ZBTB7C: variants seen among roughly 807,000 people sequenced by gnomAD.
The protein encoded by ZBTB7C is zinc finger and BTB domain-containing protein 7C.
A neutral mutation model predicts 25.7 loss-of-function variants in ZBTB7C; 8 were observed. The ratio of observed to expected loss-of-function variants is 0.31; its 90% CI spans 0.18 to 0.56. The LOEUF (loss-of-function observed/expected upper bound fraction) is 0.56, where lower values mean the gene tolerates loss of function less well. ZBTB7C is among the 20% of genes least tolerant of loss of function. ZBTB7C has a pLI of 0.91. For synonymous variants in ZBTB7C, 394 were observed against 369.0 expected (o/e 1.07, Z -0.78); for missense variants, 824 against 855.2 (o/e 0.96, Z 0.46).
intron 1 of ZBTB7C, among the ~76,000 whole-genome samples, chr18:48,397,659 G>A (rs11876632): frequency 0.016 from 2,480 of 152,116 alleles, 28 homozygotes; most frequent in African/African-American, 0.034. Flanking sequence ...AGCTCCCTTC[G>A]CCAAGTTCAT....
At chr18:48,179,802 T>A (rs1568282264) in intron 3 of ZBTB7C, among the ~76,000 whole-genome samples, 2 of 136,694 alleles carry the variant, frequency 1.5e-5, no homozygotes, top group Admixed American at 7.4e-5. Flanking sequence ...CTCCCTTCCT[T>A]CCTTATTTCC....
intron 1 of ZBTB7C, among the ~76,000 whole-genome samples, chr18:48,341,073 T>A (rs931227859): frequency 2.6e-5 from 4 of 152,212 alleles, no homozygotes; most frequent in African/African-American, 9.7e-5. Context: ...TTCATCTGAA[T>A]TTTCAGTTCC....
At chr18:48,143,392 T>C (rs540313592) in intron 3 of ZBTB7C, among the ~76,000 whole-genome samples, 1 of 152,210 alleles carries the variant, frequency 6.6e-6, no homozygotes, top group Non-Finnish European at 1.5e-5. Context: ...AGAACATTTA[T>C]GCACAGAAAA....
At chr18:48,321,974 C>T (rs563982011) in intron 2 of ZBTB7C, among the ~76,000 whole-genome samples, 7 of 152,326 alleles carry the variant, frequency 4.6e-5, no homozygotes, top group Middle Eastern at 3.4e-3. Context: ...CCATTCACAG[C>T]GGATCAGGCT....
intron 2 of ZBTB7C, among the ~76,000 whole-genome samples, chr18:48,190,327 G>T (rs2042162861): frequency 6.6e-6 from 1 of 152,222 alleles, no homozygotes; most frequent in Non-Finnish European, 1.5e-5. Flanking sequence ...GATTAAAGAA[G>T]TATTTTCCCA....
At chr18:48,326,529 C>T (rs1407523365) in intron 2 of ZBTB7C, among the ~76,000 whole-genome samples, 5 of 152,160 alleles carry the variant, frequency 3.3e-5, no homozygotes, top group East Asian at 3.9e-4. Context: ...TGACCCAAGT[C>T]GGTCCCTCCA....
intron 1 of ZBTB7C, among the ~76,000 whole-genome samples, chr18:48,364,382 T>C (rs1360001246): frequency 6.6e-6 from 1 of 151,994 alleles, no homozygotes; most frequent in African/African-American, 2.4e-5. Flanking sequence ...ATCAGGAAAA[T>C]CCACCCACAG....
chr18:48,167,565 T>G (rs561958856), intron 3 of ZBTB7C, among the ~76,000 whole-genome samples: 57 of 99,050 alleles, frequency 5.8e-4, no homozygotes, highest in African/African-American at 1.9e-3. Context: ...ATTGCTAGGG[T>G]GTGTGTGTGT....
chr18:48,226,930 G>A (rs1288020416), intron 2 of ZBTB7C, among the ~76,000 whole-genome samples: 2 of 144,816 alleles, frequency 1.4e-5, no homozygotes, highest in Non-Finnish European at 3.0e-5. Flanking sequence ...TGAGGCAGGA[G>A]AATCGCTTGA....
At chr18:48,315,776 T>G (rs576606537) in intron 2 of ZBTB7C, among the ~76,000 whole-genome samples, 1 of 152,218 alleles carries the variant, frequency 6.6e-6, no homozygotes, top group East Asian at 1.9e-4. Flanking sequence ...GCTGGTGAAC[T>G]CAATGGACCT....
chr18:48,391,440 A>T (rs927569890), intron 1 of ZBTB7C, among the ~76,000 whole-genome samples: 6 of 152,224 alleles, frequency 3.9e-5, no homozygotes, highest in African/African-American at 1.4e-4. Flanking sequence ...CTGACTGTCA[A>T]CATTTCTTTC....
intron 3 of ZBTB7C, chr18:48,147,564 C>A (rs1913261089): frequency 6.6e-6 from 1 of 151,980 alleles, no homozygotes; most frequent in African/African-American, 2.4e-5. Flanking sequence ...CTTTGAGGAA[C>A]CTCTTTTCCT....
rs141050148 is a variant in ZBTB7C at position 48,150,195 on chromosome 18, G to A, written c.-17+35739C>T. On this transcript the variant is annotated intron_variant, in intron 3 of 4. Transcript: ENST00000590800. ...TCATAGAATGGCAGCTCAGAGCCAGGATCTGAACTCAGGCCACATTCACTG... is the reference window on the plus strand; with the variant it reads ...TCATAGAATGGCAGCTCAGAGCCAGAATCTGAACTCAGGCCACATTCACTG... Among the ~76,000 whole-genome samples, 1,035 of 152,252 alleles carry A rather than the reference G, an allele frequency of 6.8e-3. 7 individuals are homozygous for A. The highest frequency in any genetic ancestry group is 0.01 in the Non-Finnish European group (713 of 68,022).
intron 3 of ZBTB7C, among the ~76,000 whole-genome samples, chr18:48,086,257 C>T (rs987159667): frequency 6.6e-6 from 1 of 152,188 alleles, no homozygotes; most frequent in Non-Finnish European, 1.5e-5. Context: ...CTCATTTAAT[C>T]CTCACAACAA....
At chr18:48,270,318 T>C (rs62086474) in intron 2 of ZBTB7C, among the ~76,000 whole-genome samples, 66,290 of 140,674 alleles carry the variant, frequency 0.47, 15,891 homozygotes, top group African/African-American at 0.57. Flanking sequence ...AGTGCAGTGG[T>C]GCGATCTCAG....
chr18:48,313,551 A>G (rs1182931843), intron 2 of ZBTB7C, among the ~76,000 whole-genome samples: 1 of 152,226 alleles, frequency 6.6e-6, no homozygotes, highest in African/African-American at 2.4e-5. Flanking sequence ...GACCAGCAGC[A>G]TAGGCCTTGT....
At chr18:48,197,392 T>C (rs1321819102) in intron 2 of ZBTB7C, among the ~76,000 whole-genome samples, 1 of 152,196 alleles carries the variant, frequency 6.6e-6, no homozygotes, top group African/African-American at 2.4e-5. Flanking sequence ...AGCTCAGCAA[T>C]GAAAAATAGC....
rs541062767 is a variant in ZBTB7C at position 48,206,126 on chromosome 18, C to G, written c.-78-20131G>C. Among the ~76,000 whole-genome samples the G allele has an allele frequency of 3.3e-5, 5 of 152,174 alleles. No homozygotes were observed. In the South Asian group the frequency reaches 6.2e-4, roughly 19 times the overall value. ...AAAAGTATATGGAAATGCAAATGAC[C>G]TATAATACCCAGGTCAATAATGAAG... On this transcript the variant is annotated intron_variant, in intron 2 of 4. Transcript: ENST00000590800.
chr18:48,069,417 T>C (rs768472208), intron 3 of ZBTB7C, among the ~76,000 whole-genome samples: 1 of 152,186 alleles, frequency 6.6e-6, no homozygotes, highest in African/African-American at 2.4e-5. Flanking sequence ...CAAGCCCAGA[T>C]TGCTGCCTTG....
Sources: gnomAD v4.1 joint callset for allele counts (sites outside exome capture counted in the v4.1 genomes callset) on GRCh38, gnomAD v4.1.1 for gene constraint, MANE v1.5 for transcripts, NCBI Gene and HGNC (gene_info 2026-07-23, HGNC 2026-07-21) for gene names.